The following BRSK1 variants were observed in gnomAD, a reference collection of about 807,000 sequenced individuals.
BRSK1 encodes BR serine/threonine kinase 1.
Under a neutral mutation model 86.2 loss-of-function variants are expected in BRSK1, and 17 were observed. The ratio of observed to expected loss-of-function variants is 0.20; its 90% CI spans 0.14 to 0.30. The LOEUF is 0.30. BRSK1 is among the 10% of genes least tolerant of loss of function. The pLI, the probability that BRSK1 is intolerant of heterozygous loss-of-function variation, is 1.00. For synonymous variants in BRSK1, 464 were observed against 440.1 expected, an observed-to-expected ratio of 1.05 and a Z score of -0.68; for missense variants, 719 against 1,071.9, an observed-to-expected ratio of 0.67 and a Z score of 4.60.
intron 1 of BRSK1, among the ~76,000 whole-genome samples, chr19:55,286,546 G>T (rs182053712): frequency 1.3e-5 from 2 of 150,764 alleles, no homozygotes; most frequent in African/African-American, 4.9e-5. Flanking sequence ...GTGGAGGGTG[G>T]TCTGGGGAGG....
At position 55,301,514 on chromosome 19, in the gene BRSK1, G is replaced by T; in HGVS notation, c.681G>T (p.Gly227=). Residue 227 remains glycine (G), a splice_region_variant and synonymous_variant, in exon 8 of 19, where the codon GGG becomes GGT. Coordinates refer to ENST00000309383, the MANE Select transcript of BRSK1 (RefSeq NM_032430.2). The part of the protein sequence containing the change: ...CGVILFALLV[G]ALPFDDDNLR... ...GGTCCTGGTTATCTCTTGCCCAGGG[G>T]GCTCTGCCCTTTGATGACGACAACC... 6.2e-7 allele frequency: 1 copy of T among 1,613,628 alleles called. No individual in the cohort carries two copies. The highest frequency in any genetic ancestry group is 1.6e-4 in the Middle Eastern group (1 of 6,062).
In BRSK1 at chr19:55,312,403, C is replaced by T. The variant is rs1568992948; in HGVS notation, c.*335C>T. 5.1e-6 allele frequency: 1 copy of T among 195,740 alleles called. No individual in the cohort carries two copies. The highest frequency in any genetic ancestry group is 1.0e-5 in the Non-Finnish European group (1 of 97,682). The allele number at this position is 195,740 out of a possible 1,614,324, so 12.1% of individuals were successfully genotyped here. On this transcript the variant is annotated 3_prime_UTR_variant, in exon 19 of 19. Coordinates refer to ENST00000309383, the MANE Select transcript of BRSK1 (RefSeq NM_032430.2). ...GGGCCCTCTGTCCCTGTGTCGTCCC[C>T]AACCCCCTCTTCCCGGGCCCCTCCT... is the stretch of plus-strand genomic sequence containing the variant.
At chr19:55,295,268 T>G (rs954568303) in intron 7 of BRSK1, among the ~76,000 whole-genome samples, 1 of 151,928 alleles carries the variant, frequency 6.6e-6, no homozygotes. Flanking sequence ...GATTATAGGC[T>G]CTTGCCAACA....
chr19:55,305,409 A>G (rs758748611), intron 15 of BRSK1, 40 bp downstream of exon 15: 2 of 1,613,856 alleles, frequency 1.2e-6, no homozygotes, highest in Admixed American at 3.3e-5. Flanking sequence ...GATGCAGGGG[A>G]TTCATGCCCT....
Position 55,310,934 on chromosome 19 carries a change from C to T in BRSK1, c.2180-977C>T, listed in dbSNP as rs941174785. Among the ~76,000 whole-genome samples, 3 of 152,030 alleles carry T rather than the reference C, an allele frequency of 2.0e-5. No individual in the cohort carries two copies. The highest frequency in any genetic ancestry group is 2.9e-5 in the Non-Finnish European group (2 of 67,986). ...TGGGGGGTGCAGGCCTCCGAGTCAC[C>T]GTGGTTGCTATGACAAGCCCCCCAG... On this transcript the variant is annotated intron_variant, in intron 18 of 18. Transcript: ENST00000309383. The surrounding 1 kb of genome is among the most constrained non-coding windows in gnomAD (Gnocchi z 5.0).
At position 55,306,856 on chromosome 19, in the gene BRSK1, A is replaced by G. The variant is rs900744091; in HGVS notation, c.2089+406A>G. ...CAGAGGAGAGAGCCCAGCTCTTCCT[A>G]TTACTTTAAGATGGTAGAGCCAAAG... On this transcript the variant is annotated intron_variant, in intron 17 of 18. Transcript: ENST00000309383. This position sits in a 1 kb window ranked among gnomAD's most constrained non-coding sequence, Gnocchi z 4.7. Among the ~76,000 whole-genome samples the G allele has an allele frequency of 2.0e-5, 3 of 152,124 alleles. No homozygotes were observed. The highest frequency in any genetic ancestry group is 2.9e-5 in the Non-Finnish European group (2 of 68,022).
intron 7 of BRSK1, among the ~76,000 whole-genome samples, chr19:55,295,305 C>T (rs545779849): frequency 4.2e-4 from 64 of 151,906 alleles, no homozygotes; most frequent in African/African-American, 1.5e-3. Context: ...GTATTTTTCA[C>T]AGAGACAGGG....
chr19:55,308,750 G>A, intron 18 of BRSK1, 22 bp downstream of exon 18: 3 of 971,110 alleles, frequency 3.1e-6, no homozygotes, highest in Non-Finnish European at 4.4e-6. Context: ...GGCCGTGGGT[G>A]GTGGGGGGCG....
rs952415799 is a variant in BRSK1 at position 55,302,962 on chromosome 19, C to T, written c.1028+95C>T. The T allele has an allele frequency of 3.9e-5, 58 of 1,482,814 alleles. No individual in the cohort carries two copies. In the African/African-American group the frequency reaches 7.2e-4, roughly 18 times the overall value. 91.9% of individuals were successfully genotyped at this position (1,482,814 alleles called of 1,614,324 possible). On this transcript the variant is annotated intron_variant, in intron 10 of 18. Coordinates refer to ENST00000309383, the MANE Select transcript of BRSK1 (RefSeq NM_032430.2). This position sits in a 1 kb window ranked among gnomAD's most constrained non-coding sequence, Gnocchi z 6.3. ...CAGAGTGCTGGGCGAGGAACCCTGG[C>T]CTCTCATGGGGCATGGTTTGAAGCT...
Position 55,286,037 on chromosome 19 carries a change from G to A in BRSK1, c.137-970G>A, listed in dbSNP as rs571331142. ...GGAGTGCTGAGTCTAAGGGAGGAGG[G>A]GCTGGGGGTCTGGAGTGCTGGGTCT... On this transcript the variant is annotated intron_variant, in intron 1 of 18. Transcript: ENST00000309383. Among the ~76,000 whole-genome samples, 34 of 81,458 alleles carry A rather than the reference G, an allele frequency of 4.2e-4. 1 individual carries two copies. The highest frequency in any genetic ancestry group is 2.0e-3 in the Admixed American group (18 of 8,802). The allele number at this position is 81,458 out of a possible 152,430, so 53.4% of individuals were successfully genotyped here. A position where few individuals can be genotyped will look rare whatever the true frequency, so the allele number is the denominator to read the frequency against.
At chr19:55,301,387 T>A (rs1425338417) in intron 7 of BRSK1, 125 bp from the exon 8 acceptor site, 11 of 1,229,506 alleles carry the variant, frequency 8.9e-6, no homozygotes, top group Non-Finnish European at 1.2e-5. Flanking sequence ...TTTGGCAAAT[T>A]GCTGAGCCTC....
At chr19:55,298,617 A>G (rs560688672) in intron 7 of BRSK1, among the ~76,000 whole-genome samples, 1 of 152,332 alleles carries the variant, frequency 6.6e-6, no homozygotes, top group South Asian at 2.1e-4. Flanking sequence ...AGAGCAGGGG[A>G]AACCTGAGCC....
Position 55,312,382 on chromosome 19 carries a change from C to T in BRSK1, c.*314C>T, listed in dbSNP as rs2088823091. On this transcript the variant is annotated 3_prime_UTR_variant, in exon 19 of 19. Coordinates refer to ENST00000309383, the MANE Select transcript of BRSK1 (RefSeq NM_032430.2). Reference sequence around the variant, plus strand: ...GTGGCTTAGCAGATCCGGACAGGGCCCTCTGTCCCTGTGTCGTCCCCAACC... The same window carrying T: ...GTGGCTTAGCAGATCCGGACAGGGCTCTCTGTCCCTGTGTCGTCCCCAACC... 5.1e-6 allele frequency: 1 copy of T among 197,740 alleles called. No individual in the cohort carries two copies. Among genetic ancestry groups the T allele is most frequent in the Non-Finnish European group, 1.0e-5 (1 of 98,998 alleles). 12.2% of individuals were successfully genotyped at this position (197,740 alleles called of 1,614,324 possible). A position where few individuals can be genotyped will look rare whatever the true frequency, so the allele number is the denominator to read the frequency against.
intron 7 of BRSK1, among the ~76,000 whole-genome samples, chr19:55,296,395 A>G (rs1309021312): frequency 6.6e-6 from 1 of 152,140 alleles, no homozygotes; most frequent in Non-Finnish European, 1.5e-5. Flanking sequence ...GAACACCTGT[A>G]GTGAGAATAA....
chr19:55,306,448 C>T lies in BRSK1; in HGVS notation c.2087C>T (p.Ser696Leu). The T allele has an allele frequency of 5.6e-6, 9 of 1,612,430 alleles. No individual in the cohort carries two copies. The highest frequency in any genetic ancestry group is 1.1e-5 in the South Asian group (1 of 91,074). Residue 696 changes from serine (S) to leucine (L), a missense_variant and splice_region_variant, in exon 17 of 19, where the codon TCG (serine) becomes TTG (leucine). Around this residue, in one of 6 missense-constraint regions of BRSK1, gnomAD observed 180 missense variants for 259.4 expected, o/e 0.69. Coordinates refer to ENST00000309383, the MANE Select transcript of BRSK1 (RefSeq NM_032430.2). This position sits in a 1 kb window ranked among gnomAD's most constrained non-coding sequence, Gnocchi z 4.7. ...GIYSVTFTLISGPSRRFKRVV... is the reference protein window; with the variant it reads ...GIYSVTFTLILGPSRRFKRVV... ...TACTCCGTCACCTTCACTCTCATCT[C>T]GGGTGAGTCTCTTGGCTAGGCTGCC...
chr19:55,302,267 G>A lies in BRSK1; in HGVS notation c.857+99G>A, dbSNP rs1478650255. ...GGAGGGGTGGGATGCCAGGGTTCCT[G>A]AGAGGCAACGGGCTAGGGACTCGGA... On this transcript the variant is annotated intron_variant, in intron 9 of 18. Coordinates refer to ENST00000309383, the MANE Select transcript of BRSK1 (RefSeq NM_032430.2). The surrounding 1 kb of genome is among the most constrained non-coding windows in gnomAD (Gnocchi z 6.3). 2.2e-5 allele frequency: 30 copies of A among 1,390,834 alleles called. No individual in the cohort carries two copies. The highest frequency in any genetic ancestry group is 5.8e-5 in the South Asian group (5 of 86,538). The allele number at this position is 1,390,834 out of a possible 1,614,324, so 86.2% of individuals were successfully genotyped here. A position where few individuals can be genotyped will look rare whatever the true frequency, so the allele number is the denominator to read the frequency against.
At position 55,302,392 on chromosome 19, in the gene BRSK1, GA is replaced by G; in HGVS notation, c.857+229del. 8 of 605,016 alleles carry G rather than the reference GA, an allele frequency of 1.3e-5. No homozygotes were observed. Among genetic ancestry groups the G allele is most frequent in the Non-Finnish European group, 2.0e-5 (7 of 346,352 alleles). The allele number at this position is 605,016 out of a possible 1,614,324, so 37.5% of individuals were successfully genotyped here. On this transcript the variant is annotated intron_variant, in intron 9 of 18. Coordinates refer to ENST00000309383, the MANE Select transcript of BRSK1 (RefSeq NM_032430.2). This position sits in a 1 kb window ranked among gnomAD's most constrained non-coding sequence, Gnocchi z 6.3. ...GAGTCCAGGACTCCCAGGTTTGAGG[GA>G]AAAAGGGACTGGGGGCCTGGACTCC...
chr19:55,308,741 GC>G lies in BRSK1; in HGVS notation c.2179+15del, dbSNP rs1568990246. 2.1e-6 allele frequency: 3 copies of G among 1,432,114 alleles called. No homozygotes were observed. Among genetic ancestry groups the G allele is most frequent in the Non-Finnish European group, 1.9e-6 (2 of 1,069,490 alleles). The allele number at this position is 1,432,114 out of a possible 1,614,324, so 88.7% of individuals were successfully genotyped here. A position where few individuals can be genotyped will look rare whatever the true frequency, so the allele number is the denominator to read the frequency against. On this transcript the variant is annotated intron_variant, in intron 18 of 18. Transcript: ENST00000309383. ...CAGGCCCTGGCAGGTGGGTGGTGGG[GC>G]CGTGGGTGGTGGGGGGCGTGGGTGG... is the stretch of plus-strand genomic sequence containing the variant.
At chr19:55,297,627 T>G (rs909327094) in intron 7 of BRSK1, among the ~76,000 whole-genome samples, 3 of 147,838 alleles carry the variant, frequency 2.0e-5, no homozygotes, top group Admixed American at 6.8e-5. Flanking sequence ...GCTAAGAATG[T>G]TCAGAACTCA....
Sources: gnomAD v4.1 joint callset for allele counts (sites outside exome capture counted in the v4.1 genomes callset) on GRCh38, gnomAD v4.1.1 for gene constraint, gnomAD v4.1.1 regional missense constraint, Gnocchi (gnomAD v3.1) non-coding constraint, MANE v1.5 for transcripts, NCBI Gene and HGNC (gene_info 2026-07-23, HGNC 2026-07-21) for gene names.